The following SETD7 variants were observed in gnomAD, a reference collection of about 807,000 sequenced individuals.
The protein encoded by SETD7 is histone-lysine N-methyltransferase SETD7.
In SETD7, 16 loss-of-function variants were observed where a neutral mutation model predicts 41.8. That is an observed-to-expected ratio of 0.38 (90% CI 0.26 to 0.58). The LOEUF is 0.58. Ranked by LOEUF, SETD7 falls within the 20% of genes least tolerant of loss-of-function variation. SETD7 has a pLI of 0.64. For missense variants in SETD7, 346 were observed against 459.7 expected (o/e 0.75, Z 2.26); for synonymous variants, 163 against 169.7 (o/e 0.96, Z 0.31).
At chr4:139,496,696 T>G (rs1340316365) in intron 7 of SETD7, among the ~76,000 whole-genome samples, 1 of 152,204 alleles carries the variant, frequency 6.6e-6, no homozygotes, top group Non-Finnish European at 1.5e-5. Context: ...GGTCAGAGGC[T>G]CTAAGGCTGG....
intron 2 of SETD7, among the ~76,000 whole-genome samples, chr4:139,535,550 C>T (rs1341368933): frequency 1.3e-5 from 2 of 152,154 alleles, no homozygotes; most frequent in East Asian, 3.9e-4. Flanking sequence ...TCTTGCAAAT[C>T]AGACAAAAAA....
chr4:139,514,697 T>G (rs771198768), intron 7 of SETD7, among the ~76,000 whole-genome samples: 6 of 152,094 alleles, frequency 3.9e-5, no homozygotes, highest in Non-Finnish European at 7.4e-5. Context: ...CCGTAGTGAG[T>G]GGTCTATAAA....
intron 2 of SETD7, among the ~76,000 whole-genome samples, chr4:139,543,250 G>A (rs1362806232): frequency 6.6e-6 from 1 of 152,166 alleles, no homozygotes; most frequent in African/African-American, 2.4e-5. Context: ...GATGGGAACA[G>A]GGAGAAAAAG....
downstream of SETD7, among the ~76,000 whole-genome samples, chr4:139,502,047 C>A (rs533985927): frequency 7.2e-5 from 11 of 152,188 alleles, no homozygotes; most frequent in Non-Finnish European, 1.2e-4. Context: ...ATAGAAAAAA[C>A]TGAGGCACAA....
At position 139,517,960 on chromosome 4, in the gene SETD7, T is replaced by C; in HGVS notation, c.845A>G (p.Asn282Ser). 6.2e-7 allele frequency: 1 copy of C among 1,614,080 alleles called. No homozygotes were observed. Among genetic ancestry groups the C allele is most frequent in the Non-Finnish European group, 8.5e-7 (1 of 1,179,982 alleles). ...ETVIDVPEPY[N>S]HVSKYCASLG... Reference sequence around the variant, plus strand: ...GGAGGCACAGTACTTGGATACGTGGTTATAGGGCTCAGGCACATCAATGAC... The same window carrying C: ...GGAGGCACAGTACTTGGATACGTGGCTATAGGGCTCAGGCACATCAATGAC... Residue 282 changes from asparagine to serine, a missense_variant, in exon 7 of 8, where the codon AAC becomes AGC. By Grantham distance (46) the Asn-to-Ser change is conservative. Transcript: ENST00000274031.
Position 139,529,267 on chromosome 4 carries a change from T to C in SETD7, c.373-47A>G, listed in dbSNP as rs1579212499. 12 of 1,491,198 alleles carry C rather than the reference T, an allele frequency of 8.0e-6. No homozygotes were observed. In the East Asian group the frequency reaches 2.3e-4, roughly 28 times the overall value. The allele number at this position is 1,491,198 out of a possible 1,614,324, so 92.4% of individuals were successfully genotyped here. A position where few individuals can be genotyped will look rare whatever the true frequency, so the allele number is the denominator to read the frequency against. ...CAGAAAATATTATATATAGTATGTC[T>C]AGGACATGAGTCCCAAGAAATTTCT... On this transcript the variant is annotated intron_variant, in intron 3 of 7. Transcript: ENST00000274031.
At chr4:139,522,450 T>C (rs903467513) in intron 5 of SETD7, among the ~76,000 whole-genome samples, 2 of 152,206 alleles carry the variant, frequency 1.3e-5, no homozygotes, top group Admixed American at 1.3e-4. Flanking sequence ...GATGTGACCC[T>C]CTGGGAGTGG....
chr4:139,534,469 C>A (rs1321658184), intron 2 of SETD7, among the ~76,000 whole-genome samples: 1 of 152,012 alleles, frequency 6.6e-6, no homozygotes, highest in Non-Finnish European at 1.5e-5. Flanking sequence ...CTCACTGCAG[C>A]CTCGACCTCC....
At chr4:139,520,419 GT>G in intron 5 of SETD7, 25 bp from the exon 6 acceptor site, 1 of 1,404,504 alleles carries the variant, frequency 7.1e-7, no homozygotes, top group Non-Finnish European at 9.9e-7. Context: ...GAGTTGAATA[GT>G]GACCTTTTCA....
downstream of SETD7, among the ~76,000 whole-genome samples, chr4:139,505,532 T>G (rs912113401): frequency 6.6e-6 from 1 of 151,968 alleles, no homozygotes; most frequent in Non-Finnish European, 1.5e-5. Context: ...GAGGCTGCAG[T>G]GAGCCAAGAT....
intron 7 of SETD7, 86 bp from the exon 8 acceptor site, chr4:139,511,929 C>A: frequency 6.6e-7 from 1 of 1,506,796 alleles, no homozygotes; most frequent in Non-Finnish European, 8.8e-7. Flanking sequence ...ACAGGAATCA[C>A]CCCCAGGCAC....
chr4:139,504,597 A>G (rs1251794401), downstream of SETD7, among the ~76,000 whole-genome samples: 5 of 152,234 alleles, frequency 3.3e-5, no homozygotes, highest in Admixed American at 3.3e-4. Flanking sequence ...TACAGCATAA[A>G]GTCCTTCGAT....
At chr4:139,528,968 C>T (rs1490620515) in intron 4 of SETD7, 63 bp downstream of exon 4, 1 of 1,381,308 alleles carries the variant, frequency 7.2e-7, no homozygotes, top group African/African-American at 1.5e-5. Context: ...AAGCTTGTCT[C>T]AAATCAGCCC....
chr4:139,544,384 A>C (rs1727875106), intron 2 of SETD7, among the ~76,000 whole-genome samples: 1 of 152,134 alleles, frequency 6.6e-6, no homozygotes, highest in African/African-American at 2.4e-5. Context: ...CAATGAATGT[A>C]TTTCTAGCCT....
At chr4:139,496,528 T>A (rs1246761438) in intron 7 of SETD7, 1 of 701,544 alleles carries the variant, frequency 1.4e-6, no homozygotes, top group Admixed American at 2.0e-5. Flanking sequence ...GCCACTGAAA[T>A]TGGAGAAGCA....
intron 4 of SETD7, among the ~76,000 whole-genome samples, chr4:139,523,638 C>T (rs182186952): frequency 6.6e-6 from 1 of 152,282 alleles, no homozygotes; most frequent in African/African-American, 2.4e-5. Context: ...CATGAACAGC[C>T]ATCAGATGCA....
At chr4:139,538,615 T>A (rs1266448512) in intron 2 of SETD7, among the ~76,000 whole-genome samples, 1 of 152,136 alleles carries the variant, frequency 6.6e-6, no homozygotes, top group East Asian at 1.9e-4. Context: ...GAGCCACCGC[T>A]CCTGGCCACT....
intron 4 of SETD7, among the ~76,000 whole-genome samples, chr4:139,526,630 T>C (rs1441934253): frequency 6.6e-6 from 1 of 152,082 alleles, no homozygotes; most frequent in East Asian, 1.9e-4. Context: ...CAACTTTCAT[T>C]ACAGTGTTTT....
chr4:139,499,559 C>G (rs770577557), intron 7 of SETD7, among the ~76,000 whole-genome samples: 4 of 152,144 alleles, frequency 2.6e-5, no homozygotes, highest in East Asian at 1.9e-4. Flanking sequence ...CAAGACCCCC[C>G]CTCCCAGGAA....
Sources: allele counts gnomAD v4.1 joint callset (sites outside exome capture counted in the v4.1 genomes callset), GRCh38; gene constraint gnomAD v4.1.1; transcripts MANE v1.5; gene names NCBI Gene and HGNC (gene_info 2026-07-23, HGNC 2026-07-21).